Variants in PDE1C observed in about 807,000 individuals in gnomAD.
PDE1C encodes phosphodiesterase 1C.
A neutral mutation model predicts 93.1 loss-of-function variants in PDE1C; 62 were observed. The ratio of observed to expected loss-of-function variants is 0.67; its 90% confidence interval spans 0.54 to 0.82. PDE1C has a LOEUF of 0.82. Ranked by LOEUF, PDE1C falls within the 40% of genes least tolerant of loss-of-function variation. PDE1C has a pLI of 0.00. For missense variants in PDE1C, 742 were observed against 884.6 expected, an observed-to-expected ratio of 0.84 and a Z score of 2.04; for synonymous variants, 325 against 310.1, an observed-to-expected ratio of 1.05 and a Z score of -0.50.
At chr7:31,717,226 A>AT in the PDE1C span, among the ~76,000 whole-genome samples, 1 of 152,254 alleles carries the variant, frequency 6.6e-6, no homozygotes, top group East Asian at 1.9e-4. Context: ...ACTAAACATA[A>AT]TTTTTACTAT....
intron 1 of PDE1C, among the ~76,000 whole-genome samples, chr7:32,411,311 A>G (rs1428849553): frequency 6.6e-6 from 1 of 152,246 alleles, no homozygotes; most frequent in Non-Finnish European, 1.5e-5. Context: ...CATGAACATC[A>G]TAGAGTGCAC....
At chr7:32,417,994 T>TTTTGG (rs1158097288) in intron 1 of PDE1C, among the ~76,000 whole-genome samples, 2 of 152,176 alleles carry the variant, frequency 1.3e-5, no homozygotes, top group African/African-American at 2.4e-5. Context: ...TTTTGTTTTG[T>TTTTGG]TTTGGTTTGG....
intron 16 of PDE1C, among the ~76,000 whole-genome samples, chr7:31,791,375 T>C (rs146210667): frequency 6.6e-6 from 1 of 152,238 alleles, no homozygotes; most frequent in Non-Finnish European, 1.5e-5. Context: ...TTTACTCCAA[T>C]ACTAGCACTG....
At chr7:32,100,522 G>T (rs1175464376) in intron 3 of PDE1C, among the ~76,000 whole-genome samples, 1 of 152,198 alleles carries the variant, frequency 6.6e-6, no homozygotes, top group Non-Finnish European at 1.5e-5. Flanking sequence ...AGAAAGCCAT[G>T]TAATTACTTC....
At chr7:32,385,678 T>G (rs909991137) in intron 1 of PDE1C, among the ~76,000 whole-genome samples, 1 of 152,188 alleles carries the variant, frequency 6.6e-6, no homozygotes, top group East Asian at 1.9e-4. Flanking sequence ...TGGAACAATG[T>G]CTGGCAGAGA....
At chr7:32,117,959 T>G (rs189780478) in intron 3 of PDE1C, among the ~76,000 whole-genome samples, 2 of 152,202 alleles carry the variant, frequency 1.3e-5, no homozygotes, top group Non-Finnish European at 2.9e-5. Context: ...TGGTTTCTGT[T>G]ACCCTAAAGG....
chr7:31,764,152 GTTTTGT>G (rs1344104447), intron 17 of PDE1C, among the ~76,000 whole-genome samples: 2 of 151,958 alleles, frequency 1.3e-5, no homozygotes, highest in African/African-American at 2.4e-5. Flanking sequence ...ACTCACTTTG[GTTTTGT>G]TTTTGTTTTT....
At chr7:31,779,508 G>C (rs1783242966) in intron 16 of PDE1C, among the ~76,000 whole-genome samples, 1 of 152,126 alleles carries the variant, frequency 6.6e-6, no homozygotes, top group Non-Finnish European at 1.5e-5. Flanking sequence ...GGGAACTCTG[G>C]GAACCTTGAG....
chr7:32,311,753 C>T (rs1041084193), intron 1 of PDE1C, among the ~76,000 whole-genome samples: 2 of 152,002 alleles, frequency 1.3e-5, no homozygotes, highest in Non-Finnish European at 2.9e-5. Flanking sequence ...TGGGACGTAT[C>T]TCAAAATAAT....
intron 15 of PDE1C, among the ~76,000 whole-genome samples, chr7:31,810,150 T>A (rs1787373436): frequency 6.6e-6 from 1 of 152,120 alleles, no homozygotes; most frequent in South Asian, 2.1e-4. Context: ...TCCCTGGGCA[T>A]GTGTGTTCAA....
rs146036200 is a variant in PDE1C, at chr7:31,983,847, G to A, written c.128+67707C>T. The stretch of plus-strand genomic sequence containing the variant: ...ATTAAGAATTTCAAGACGGCAACAT[G>A]AGAGCATCAGATCACATGCAGGGGC... On this transcript the variant is annotated intron_variant, in intron 2 of 17. Coordinates refer to ENST00000396191, the MANE Select transcript of PDE1C (RefSeq NM_001191057.4). 4.1e-3 allele frequency among the ~76,000 whole-genome samples: 626 copies of A among 152,248 alleles called. 3 individuals are homozygous for A. Among genetic ancestry groups the A allele is most frequent in the African/African-American group, 0.014 (582 of 41,520 alleles).
At chr7:32,039,161 GGCACTGTT>G (rs1290707933) in intron 2 of PDE1C, among the ~76,000 whole-genome samples, 1 of 152,068 alleles carries the variant, frequency 6.6e-6, no homozygotes, top group African/African-American at 2.4e-5. Flanking sequence ...CCAGCAAACA[GGCACTGTT>G]TGCATTACCT....
At chr7:31,702,532 C>T in the PDE1C span, among the ~76,000 whole-genome samples, 2 of 152,224 alleles carry the variant, frequency 1.3e-5, no homozygotes, top group African/African-American at 4.8e-5. Flanking sequence ...TGCTATCAGA[C>T]CCCTTCAGGT....
At chr7:31,658,387 T>C in the PDE1C span, 15 of 1,496,718 alleles carry the variant, frequency 1.0e-5, no homozygotes, top group Non-Finnish European at 1.3e-5. Flanking sequence ...CTCTGGTCTG[T>C]TGTAATTGTT....
chr7:32,171,610 TTATTA>T (rs1802658766), intron 2 of PDE1C, among the ~76,000 whole-genome samples: 1 of 151,184 alleles, frequency 6.6e-6, no homozygotes, highest in Non-Finnish European at 1.5e-5. Context: ...CTTAATGTTA[TTATTA>T]TATTATTCCC....
At chr7:32,322,344 C>A (rs187840983) in intron 1 of PDE1C, among the ~76,000 whole-genome samples, 76 of 152,252 alleles carry the variant, frequency 5.0e-4, no homozygotes, top group African/African-American at 1.8e-3. Context: ...TACATGCCTC[C>A]CAAAACCAGC....
intron 2 of PDE1C, among the ~76,000 whole-genome samples, chr7:32,012,596 G>A (rs1398211946): frequency 6.6e-6 from 1 of 152,154 alleles, no homozygotes; most frequent in Non-Finnish European, 1.5e-5. Flanking sequence ...ATAATTCGTT[G>A]CCTGGGGATA....
intron 1 of PDE1C, among the ~76,000 whole-genome samples, chr7:32,216,046 C>G (rs1055638207): frequency 6.6e-6 from 1 of 152,180 alleles, no homozygotes; most frequent in African/African-American, 2.4e-5. Context: ...GAATGAGGTT[C>G]CAGGCACTTT....
At chr7:32,395,875 AT>A (rs1186652250) in intron 1 of PDE1C, among the ~76,000 whole-genome samples, 1 of 4,510 alleles carries the variant, frequency 2.2e-4, no homozygotes, top group African/African-American at 2.4e-4. Context: ...TCTAAAAAAA[AT>A]ATTTTACTTT....
Sources: allele counts gnomAD v4.1 joint callset (sites outside exome capture counted in the v4.1 genomes callset), GRCh38; gene constraint gnomAD v4.1.1; transcripts MANE v1.5; gene names NCBI Gene and HGNC (gene_info 2026-07-23, HGNC 2026-07-21).